GATB: variants seen among roughly 807,000 people sequenced by gnomAD.
The protein encoded by GATB is glutamyl-tRNA amidotransferase subunit B.
Under a neutral mutation model 62.3 loss-of-function variants are expected in GATB, and 39 were observed. The observed-to-expected ratio is 0.63, with a 90% confidence interval of 0.48 to 0.82. The LOEUF is 0.82. Ranked by LOEUF, GATB falls within the 40% of genes least tolerant of loss-of-function variation. The pLI is 0.00. For missense variants in GATB, 670 were observed against 684.0 expected (o/e 0.98, Z 0.23); for synonymous variants, 276 against 258.9 (o/e 1.07, Z -0.63).
intron 9 of GATB, among the ~76,000 whole-genome samples, chr4:151,689,515 G>A (rs770207860): frequency 5.3e-4 from 81 of 152,246 alleles, no homozygotes; most frequent in Non-Finnish European, 8.8e-4. Context: ...CTCCCCCTCT[G>A]AACTGTCAGC....
intron 9 of GATB, among the ~76,000 whole-genome samples, chr4:151,692,017 T>C (rs1183844242): frequency 3.3e-5 from 5 of 152,318 alleles, no homozygotes; most frequent in South Asian, 2.1e-4. Flanking sequence ...AACCAGGCCC[T>C]GTGGGTGGCT....
chr4:151,689,123 T>C (rs567051988), intron 9 of GATB, among the ~76,000 whole-genome samples: 41 of 152,350 alleles, frequency 2.7e-4, no homozygotes, highest in Admixed American at 1.4e-3. Context: ...GGGCCTAAAA[T>C]GTTTGGCCTG....
chr4:151,738,584 T>C (rs1739424943), intron 2 of GATB, among the ~76,000 whole-genome samples: 1 of 152,236 alleles, frequency 6.6e-6, no homozygotes, highest in South Asian at 2.1e-4. Context: ...ACAAGTATTA[T>C]AATAACACCA....
chr4:151,718,734 A>G (rs1379266454), intron 3 of GATB, among the ~76,000 whole-genome samples: 1 of 152,248 alleles, frequency 6.6e-6, no homozygotes, highest in Non-Finnish European at 1.5e-5. Context: ...AGACCAAACA[A>G]AACATTATTT....
chr4:151,733,903 T>C (rs1274080426), intron 2 of GATB, among the ~76,000 whole-genome samples: 1 of 152,180 alleles, frequency 6.6e-6, no homozygotes, highest in Non-Finnish European at 1.5e-5. Context: ...CCAGCATCCC[T>C]TTATAATTAA....
intron 11 of GATB, chr4:151,675,076 G>C (rs2126952760): frequency 6.6e-6 from 1 of 152,452 alleles, no homozygotes; most frequent in South Asian, 2.1e-4. Flanking sequence ...GGCTGGATTT[G>C]CCTGGGCCAA....
intron 2 of GATB, among the ~76,000 whole-genome samples, chr4:151,744,061 C>A (rs192355750): frequency 1.3e-5 from 2 of 152,322 alleles, no homozygotes; most frequent in African/African-American, 2.4e-5. Flanking sequence ...AAAAGCTTTA[C>A]ACACCTCAAT....
chr4:151,717,414 G>A, intron 3 of GATB: 1 of 277,518 alleles, frequency 3.6e-6, no homozygotes, highest in Non-Finnish European at 6.9e-6. Context: ...AGAATTTATT[G>A]TTTCCATCCA....
At chr4:151,681,344 G>C (rs1738133692) in intron 10 of GATB, among the ~76,000 whole-genome samples, 2 of 152,216 alleles carry the variant, frequency 1.3e-5, no homozygotes, top group African/African-American at 2.4e-5. Context: ...GTGAAACTTA[G>C]GTTTGGAGAA....
chr4:151,743,576 A>G (rs558331431), intron 2 of GATB, among the ~76,000 whole-genome samples: 1 of 152,352 alleles, frequency 6.6e-6, no homozygotes, highest in South Asian at 2.1e-4. Flanking sequence ...AGCAACTTCA[A>G]CTATAGTGGA....
intron 11 of GATB, chr4:151,675,622 GT>G (rs1412213623): frequency 6.6e-6 from 1 of 152,254 alleles, no homozygotes; most frequent in African/African-American, 2.4e-5. Context: ...TTTTGTCTGT[GT>G]TTAATCCCAC....
chr4:151,714,996 G>C (rs1349775939), intron 5 of GATB, among the ~76,000 whole-genome samples: 2 of 152,172 alleles, frequency 1.3e-5, no homozygotes, highest in Non-Finnish European at 2.9e-5. Flanking sequence ...CCAGGGCTCT[G>C]ATGTTATAAT....
chr4:151,746,504 G>A (rs2126995934), intron 2 of GATB, among the ~76,000 whole-genome samples: 1 of 152,266 alleles, frequency 6.6e-6, no homozygotes, highest in East Asian at 1.9e-4. Flanking sequence ...ATAAATTAAG[G>A]AAGACTTGGC....
rs1373015120 is a variant in GATB, at chr4:151,671,216, T to A, written c.1632A>T (p.Pro544=). 1 of 1,614,084 alleles carries A rather than the reference T, an allele frequency of 6.2e-7. No individual in the cohort carries two copies. Among genetic ancestry groups the A allele is most frequent in the African/African-American group, 1.3e-5 (1 of 74,936 alleles). Reference sequence around the variant, plus strand: ...TCTCCAGGATCTCCTTTATCATGACTGGATCTGCTCGGCTTTGAGTCGCTT... The same window carrying A: ...TCTCCAGGATCTCCTTTATCATGACAGGATCTGCTCGGCTTTGAGTCGCTT... ...VRKATQSRAD[P]VMIKEILEKK... is the part of the protein sequence containing the mutation. The change falls in exon 13 of 13, where the codon CCA becomes CCT. Residue 544 remains proline (P), a synonymous_variant. Coordinates refer to ENST00000263985, the MANE Select transcript of GATB (RefSeq NM_004564.3).
In GATB at chr4:151,679,777, T is replaced by C. The variant is rs779668805; in HGVS notation, c.1410+36A>G. 16 of 1,563,204 alleles carry C rather than the reference T, an allele frequency of 1.0e-5. 1 individual carries two copies. The South Asian group carries it at 1.3e-4, about 13-fold the overall frequency. Reference sequence around the variant, plus strand: ...TCACAGAAAACATTTCTTGGGACAGTAGCACAGTCAGAAGCTGTCGGGAGT... The same window carrying C: ...TCACAGAAAACATTTCTTGGGACAGCAGCACAGTCAGAAGCTGTCGGGAGT... On this transcript the variant is annotated intron_variant, in intron 11 of 12. Coordinates refer to ENST00000263985, the MANE Select transcript of GATB (RefSeq NM_004564.3).
intron 9 of GATB, among the ~76,000 whole-genome samples, chr4:151,697,957 A>ATATATATATATATATATATATGTGTG (rs1738513467): frequency 2.0e-5 from 1 of 49,704 alleles, no homozygotes; most frequent in African/African-American, 8.9e-5. Context: ...GTGTGTGTAT[A>ATATATATATATATATATATATGTGTG]TATATATATA....
intron 2 of GATB, among the ~76,000 whole-genome samples, chr4:151,756,671 T>C (rs1330029873): frequency 6.6e-6 from 1 of 152,240 alleles, no homozygotes; most frequent in Non-Finnish European, 1.5e-5. Context: ...AACACTCAAA[T>C]GTCCCAAACA....
At position 151,689,517 on chromosome 4, in the gene GATB, A is replaced by G. The variant is rs62327345; in HGVS notation, c.1198-754T>C. 1.0e-2 allele frequency among the ~76,000 whole-genome samples: 1,515 copies of G among 152,232 alleles called. 17 individuals carry two copies. The highest frequency in any genetic ancestry group is 0.018 in the Non-Finnish European group (1,193 of 67,996). On this transcript the variant is annotated intron_variant, in intron 9 of 12. Transcript: ENST00000263985. ...GACTGTACCACTTCTCCCCCTCTGA[A>G]CTGTCAGCCCCACGAGTCAGGGCTG...
At chr4:151,717,348 T>C (rs2126978134) in intron 3 of GATB, 1 of 442,592 alleles carries the variant, frequency 2.3e-6, no homozygotes, top group Non-Finnish European at 4.2e-6. Context: ...ATTGCCCTCA[T>C]TAAAGTGCTG....
Sources: gnomAD v4.1 joint callset for allele counts (sites outside exome capture counted in the v4.1 genomes callset) on GRCh38, gnomAD v4.1.1 for gene constraint, MANE v1.5 for transcripts, NCBI Gene and HGNC (gene_info 2026-07-23, HGNC 2026-07-21) for gene names.